Variants in MYO5B observed in about 807,000 individuals in gnomAD.
The protein encoded by MYO5B is unconventional myosin-Vb.
In MYO5B, 143 loss-of-function variants were observed where a neutral mutation model predicts 229.3. That is an observed-to-expected ratio of 0.62 (90% CI 0.54 to 0.72). The LOEUF (loss-of-function observed/expected upper bound fraction) is 0.72, where lower values mean the gene tolerates loss of function less well. Ranked by LOEUF, MYO5B falls within the 30% of genes least tolerant of loss-of-function variation. MYO5B has a pLI of 0.00. For missense variants in MYO5B, 2,321 were observed against 2,331.0 expected (o/e 1.00, Z 0.09); for synonymous variants, 918 against 885.2 (o/e 1.04, Z -0.66).
At chr18:49,837,054 G>T (rs2023996151) in intron 37 of MYO5B, among the ~76,000 whole-genome samples, 169 bp from the exon 38 acceptor site, 1 of 152,204 alleles carries the variant, frequency 6.6e-6, no homozygotes, top group South Asian at 2.1e-4. Flanking sequence ...GTTGAATAAA[G>T]AATGAATAAA....
At chr18:50,074,647 C>T (rs377072844) in intron 1 of MYO5B, among the ~76,000 whole-genome samples, 5 of 152,122 alleles carry the variant, frequency 3.3e-5, no homozygotes, top group East Asian at 1.9e-4. Context: ...GTTGAAACAT[C>T]GCCTTCCTTG....
At chr18:50,182,939 A>T (rs1188630025) in intron 1 of MYO5B, among the ~76,000 whole-genome samples, 1 of 152,160 alleles carries the variant, frequency 6.6e-6, no homozygotes, top group East Asian at 1.9e-4. Flanking sequence ...GAGGGATGTG[A>T]GGCTAAGATT....
intron 1 of MYO5B, among the ~76,000 whole-genome samples, chr18:50,174,227 A>G (rs1372168239): frequency 6.6e-6 from 1 of 152,198 alleles, no homozygotes. Context: ...GATACATAAA[A>G]GGAGGTTTAT....
At chr18:50,145,497 CAAAAAAAAAAAAAAAAAAAAAAAAAAAAA>C (rs369507800) in intron 1 of MYO5B, among the ~76,000 whole-genome samples, 1 of 69,986 alleles carries the variant, frequency 1.4e-5, no homozygotes, top group East Asian at 3.6e-4. Flanking sequence ...GACTCCATCT[CAAAAAAAAAAAAAAAAAAAAAAAAAAAAA>C]AAAAAAAAAA....
chr18:50,113,477 C>T (rs1027839128), intron 1 of MYO5B, among the ~76,000 whole-genome samples: 1 of 152,212 alleles, frequency 6.6e-6, no homozygotes, highest in Admixed American at 6.5e-5. Flanking sequence ...AAACACATTG[C>T]TGGACCATGG....
intron 1 of MYO5B, among the ~76,000 whole-genome samples, chr18:50,070,824 C>T (rs1360350993): frequency 1.3e-5 from 2 of 151,674 alleles, no homozygotes; most frequent in African/African-American, 4.8e-5. Context: ...GCCTGCATAC[C>T]ATCTCATCCC....
At chr18:50,186,123 C>T (rs1405667428) in intron 1 of MYO5B, among the ~76,000 whole-genome samples, 2 of 152,206 alleles carry the variant, frequency 1.3e-5, no homozygotes, top group African/African-American at 2.4e-5. Context: ...AAGGATATTT[C>T]GCATACATTT....
chr18:49,907,790 G>T (rs1359563786), intron 18 of MYO5B, among the ~76,000 whole-genome samples: 1 of 152,276 alleles, frequency 6.6e-6, no homozygotes, highest in African/African-American at 2.4e-5. Flanking sequence ...GAGTGTCACT[G>T]ACTGAGTCCC....
At chr18:50,147,384 G>A (rs2032521705) in intron 1 of MYO5B, among the ~76,000 whole-genome samples, 1 of 152,154 alleles carries the variant, frequency 6.6e-6, no homozygotes, top group African/African-American at 2.4e-5. Context: ...ACAGTCACCT[G>A]AATTACTGCA....
intron 1 of MYO5B, among the ~76,000 whole-genome samples, chr18:50,186,543 T>A (rs1475526134): frequency 6.6e-6 from 1 of 152,142 alleles, no homozygotes; most frequent in African/African-American, 2.4e-5. Flanking sequence ...TTTGTAGCAA[T>A]CCTACTTCCT....
At chr18:50,055,225 G>GGCCCCCCCCCCCCCCCCCCCCCCCC in intron 2 of MYO5B, 43 bp downstream of exon 2, 3 of 700,372 alleles carry the variant, frequency 4.3e-6, no homozygotes, top group Non-Finnish European at 8.0e-6. Context: ...TGAGCTCCCT[G>GGCCCCCCCCCCCCCCCCCCCCCCCC]CCCCACCTCA....
chr18:49,940,893 ATCT>A (rs2025306221), intron 14 of MYO5B, among the ~76,000 whole-genome samples: 1 of 152,222 alleles, frequency 6.6e-6, no homozygotes, highest in South Asian at 2.1e-4. Context: ...TTATGGGCTA[ATCT>A]TCTACATCAA....
At chr18:49,859,536 T>G (rs971764441) in intron 29 of MYO5B, among the ~76,000 whole-genome samples, 1 of 152,164 alleles carries the variant, frequency 6.6e-6, no homozygotes, top group African/African-American at 2.4e-5. Context: ...CTATTCAACC[T>G]CCTAGCATAT....
At chr18:49,842,049 C>T (rs893686276) in intron 34 of MYO5B, among the ~76,000 whole-genome samples, 4 of 147,926 alleles carry the variant, frequency 2.7e-5, no homozygotes, top group East Asian at 2.0e-4. Context: ...GTCAAGTAAG[C>T]GTTATCATTA....
intron 29 of MYO5B, among the ~76,000 whole-genome samples, chr18:49,859,147 C>T (rs562908529): frequency 6.6e-6 from 1 of 152,332 alleles, no homozygotes; most frequent in South Asian, 2.1e-4. Flanking sequence ...AACTCCCAGC[C>T]CCACCTGTAA....
intron 1 of MYO5B, among the ~76,000 whole-genome samples, chr18:50,103,363 T>A (rs1463096817): frequency 1.3e-5 from 2 of 152,258 alleles, no homozygotes; most frequent in Non-Finnish European, 2.9e-5. Flanking sequence ...CCCTGGAAGT[T>A]AGAATGTATC....
chr18:49,991,829 T>TA (rs1316012949), intron 6 of MYO5B, among the ~76,000 whole-genome samples: 310 of 151,776 alleles, frequency 2.0e-3, no homozygotes, highest in Admixed American at 3.3e-3. Context: ...ATAATTTTTT[T>TA]TAAAAAATGG....
intron 11 of MYO5B, 40 bp from the exon 12 acceptor site, chr18:49,962,446 A>G: frequency 6.2e-7 from 1 of 1,613,826 alleles, no homozygotes; most frequent in Non-Finnish European, 8.5e-7. Flanking sequence ...AACTGCAGGC[A>G]CACCTTAACA....
intron 4 of MYO5B, among the ~76,000 whole-genome samples, chr18:50,016,779 C>T (rs2026220071): frequency 1.3e-5 from 2 of 152,068 alleles, no homozygotes; most frequent in Admixed American, 6.6e-5. Context: ...AACCCCACAC[C>T]CATTACCAGT....
Sources: allele counts gnomAD v4.1 joint callset (sites outside exome capture counted in the v4.1 genomes callset), GRCh38; gene constraint gnomAD v4.1.1; transcripts MANE v1.5; gene names NCBI Gene and HGNC (gene_info 2026-07-23, HGNC 2026-07-21).